EYA2: variants seen among roughly 807,000 people sequenced by gnomAD.
EYA2 encodes the protein protein phosphatase EYA2.
A neutral mutation model predicts 69.2 loss-of-function variants in EYA2; 31 were observed. The observed-to-expected ratio is 0.45, with a 90% confidence interval of 0.34 to 0.60. The LOEUF (loss-of-function observed/expected upper bound fraction) is 0.60, where lower values mean the gene tolerates loss of function less well. Among genes scored for constraint, EYA2 ranks in the 20% least tolerant of loss-of-function variants. EYA2 has a pLI of 0.02. For missense variants in EYA2, 622 were observed against 701.2 expected, an observed-to-expected ratio of 0.89 and a Z score of 1.28; for synonymous variants, 257 against 279.4, an observed-to-expected ratio of 0.92 and a Z score of 0.80.
chr20:47,141,193 A>C (rs2033586960), intron 9 of EYA2, among the ~76,000 whole-genome samples: 1 of 152,244 alleles, frequency 6.6e-6, no homozygotes, highest in Non-Finnish European at 1.5e-5. Flanking sequence ...AATACTTATA[A>C]AGTGGCACAG....
At chr20:47,141,479 CA>C (rs1400539665) in intron 9 of EYA2, among the ~76,000 whole-genome samples, 1 of 152,132 alleles carries the variant, frequency 6.6e-6, no homozygotes, top group African/African-American at 2.4e-5. Context: ...AATATGTATC[CA>C]GGGGTGGAAA....
chr20:47,010,061 G>T (rs1273744945), intron 4 of EYA2, among the ~76,000 whole-genome samples: 1 of 152,088 alleles, frequency 6.6e-6, no homozygotes. Flanking sequence ...AGTCTTTTAG[G>T]GCTTTGTTTG....
intron 1 of EYA2, among the ~76,000 whole-genome samples, chr20:46,964,193 C>T (rs1393628639): frequency 3.3e-5 from 5 of 152,186 alleles, no homozygotes; most frequent in African/African-American, 7.2e-5. Flanking sequence ...TTGAAGAATT[C>T]GAAAGCCACT....
chr20:47,047,823 A>T (rs1188712440), intron 5 of EYA2, among the ~76,000 whole-genome samples: 1 of 152,168 alleles, frequency 6.6e-6, no homozygotes, highest in African/African-American at 2.4e-5. Context: ...TCCGAAATCA[A>T]GGTGTTGGCA....
At chr20:47,087,441 AC>A (rs1168419913) in intron 7 of EYA2, among the ~76,000 whole-genome samples, 2 of 152,232 alleles carry the variant, frequency 1.3e-5, no homozygotes, top group Admixed American at 1.3e-4. Context: ...CTCACGAGTG[AC>A]AAGGACAGGT....
At chr20:47,020,814 C>T (rs966219002) in intron 5 of EYA2, among the ~76,000 whole-genome samples, 1 of 152,150 alleles carries the variant, frequency 6.6e-6, no homozygotes, top group Non-Finnish European at 1.5e-5. Context: ...GACTAAATAA[C>T]ATGATTCATG....
intron 9 of EYA2, among the ~76,000 whole-genome samples, chr20:47,126,806 C>G (rs1233997731): frequency 1.3e-5 from 2 of 152,184 alleles, no homozygotes; most frequent in African/African-American, 4.8e-5. Flanking sequence ...ACTGTCACAA[C>G]TGGGTAGGCG....
chr20:47,158,161 C>T (rs2033993826), intron 10 of EYA2, among the ~76,000 whole-genome samples: 3 of 151,924 alleles, frequency 2.0e-5, no homozygotes, highest in Admixed American at 6.6e-5. Context: ...ACACCTGCCC[C>T]TTGCCTCGTA....
At chr20:47,051,212 A>G (rs1175165068) in intron 5 of EYA2, among the ~76,000 whole-genome samples, 3 of 152,236 alleles carry the variant, frequency 2.0e-5, no homozygotes, top group Non-Finnish European at 4.4e-5. Flanking sequence ...TCGCTTCGCC[A>G]TTGCAGTGTA....
At chr20:47,004,534 C>T (rs1982575622) in intron 3 of EYA2, among the ~76,000 whole-genome samples, 1 of 152,184 alleles carries the variant, frequency 6.6e-6, no homozygotes, top group African/African-American at 2.4e-5. Context: ...TGCAAGGCAG[C>T]TCTCTCTCCT....
At chr20:47,044,877 C>G (rs2029951606) in intron 5 of EYA2, among the ~76,000 whole-genome samples, 1 of 152,186 alleles carries the variant, frequency 6.6e-6, no homozygotes, top group Admixed American at 6.5e-5. Flanking sequence ...AGCATAAATA[C>G]ACTGCTTCTC....
chr20:47,173,507 C>T (rs1325159009), intron 12 of EYA2, among the ~76,000 whole-genome samples: 3 of 44,360 alleles, frequency 6.8e-5, no homozygotes, highest in Non-Finnish European at 1.2e-4. Context: ...AGTGAGACCC[C>T]GTAAAAAAAA....
intron 1 of EYA2, among the ~76,000 whole-genome samples, chr20:46,908,900 T>TTG (rs1984502690): frequency 3.0e-5 from 3 of 101,304 alleles, no homozygotes; most frequent in African/African-American, 1.0e-4. Context: ...TTTTTTTTTT[T>TTG]TTTTTTTACC....
At position 47,078,840 on chromosome 20, in the gene EYA2, A is replaced by G. The variant is rs1362507711; in HGVS notation, c.661+4505A>G. 2.0e-5 allele frequency among the ~76,000 whole-genome samples: 3 copies of G among 152,236 alleles called. No individual in the cohort carries two copies. In the East Asian group the frequency reaches 5.8e-4, roughly 29 times the overall value. ...TTTAATCTCTCAAGAAGAAATTGGG[A>G]AGGCTCTTCCGTGTAATTTGGCAAC... On this transcript the variant is annotated intron_variant, in intron 7 of 15. Transcript: ENST00000327619.
At chr20:47,125,939 T>C (rs1222031559) in intron 9 of EYA2, among the ~76,000 whole-genome samples, 2 of 152,298 alleles carry the variant, frequency 1.3e-5, no homozygotes, top group Admixed American at 1.3e-4. Flanking sequence ...GGATTGGTGC[T>C]GAAGCACATG....
At chr20:47,180,032 C>T in intron 13 of EYA2, 120 bp downstream of exon 13, 1 of 693,314 alleles carries the variant, frequency 1.4e-6, no homozygotes, top group South Asian at 1.8e-5. Context: ...TGTACACTTT[C>T]CAAATATTTT....
intron 7 of EYA2, among the ~76,000 whole-genome samples, chr20:47,087,750 A>G (rs2031941279): frequency 6.6e-6 from 1 of 152,210 alleles, no homozygotes; most frequent in Admixed American, 6.5e-5. Context: ...AGAAGCAGCA[A>G]GGACCCACAT....
intron 5 of EYA2, among the ~76,000 whole-genome samples, chr20:47,018,080 G>A (rs1031520014): frequency 5.3e-5 from 8 of 152,168 alleles, no homozygotes; most frequent in African/African-American, 1.2e-4. Context: ...TGATGGCACC[G>A]GCCCTGATAA....
At chr20:47,170,872 G>A (rs569256208) in intron 11 of EYA2, among the ~76,000 whole-genome samples, 19 of 152,192 alleles carry the variant, frequency 1.2e-4, no homozygotes, top group Non-Finnish European at 1.9e-4. Flanking sequence ...CTTCCAAGGT[G>A]TCTCTCCCAA....
Sources: allele counts gnomAD v4.1 joint callset (sites outside exome capture counted in the v4.1 genomes callset), GRCh38; gene constraint gnomAD v4.1.1; transcripts MANE v1.5; gene names NCBI Gene and HGNC (gene_info 2026-07-23, HGNC 2026-07-21).